Variants in SH3RF2 observed in about 807,000 individuals in gnomAD.
The protein encoded by SH3RF2 is E3 ubiquitin-protein ligase SH3RF2.
Under a neutral mutation model 59.0 loss-of-function variants are expected in SH3RF2, and 43 were observed. That is an observed-to-expected ratio of 0.73 (90% confidence interval 0.57 to 0.94). The LOEUF is 0.94. Ranked by LOEUF, SH3RF2 falls within the 40% of genes least tolerant of loss-of-function variation. The probability of loss-of-function intolerance (pLI) is 0.00; values close to 1 mark genes in which losing one functional copy is unlikely to be tolerated. For synonymous variants in SH3RF2, 391 were observed against 391.5 expected, an observed-to-expected ratio of 1.00 and a Z score of 0.01; for missense variants, 930 against 940.1, an observed-to-expected ratio of 0.99 and a Z score of 0.14.
intron 7 of SH3RF2, 128 bp downstream of exon 7, chr5:146,049,373 A>G: frequency 9.6e-7 from 1 of 1,041,656 alleles, no homozygotes. Context: ...TTTTTGCTCT[A>G]TAACCCGCCT....
At chr5:146,002,976 G>A (rs771776260) in intron 3 of SH3RF2, among the ~76,000 whole-genome samples, 14 of 152,164 alleles carry the variant, frequency 9.2e-5, no homozygotes, top group Non-Finnish European at 1.8e-4. Context: ...GTTGGGTACC[G>A]CTGTGTAAGA....
At chr5:146,076,902 C>A (rs1413718094) in intron 9 of SH3RF2, among the ~76,000 whole-genome samples, 1 of 152,096 alleles carries the variant, frequency 6.6e-6, no homozygotes, top group Non-Finnish European at 1.5e-5. Context: ...TCCACACCAC[C>A]CCCACAAAGA....
At chr5:146,020,490 A>G (rs775734274) in intron 5 of SH3RF2, among the ~76,000 whole-genome samples, 2 of 152,136 alleles carry the variant, frequency 1.3e-5, no homozygotes, top group Non-Finnish European at 2.9e-5. Flanking sequence ...TGTTGCCCTC[A>G]TATCCATACC....
At chr5:146,002,535 A>AGGAAGGAAGGAAGGAT (rs1405378041) in intron 3 of SH3RF2, among the ~76,000 whole-genome samples, 1 of 143,254 alleles carries the variant, frequency 7.0e-6, no homozygotes, top group Non-Finnish European at 1.5e-5. Context: ...GAAGGAAGGA[A>AGGAAGGAAGGAAGGAT]GGATAACCTA....
At chr5:146,028,002 T>C (rs1331714184) in intron 5 of SH3RF2, among the ~76,000 whole-genome samples, 2 of 152,192 alleles carry the variant, frequency 1.3e-5, no homozygotes, top group Admixed American at 6.5e-5. Context: ...CATCATCGTT[T>C]TGCCCAATTA....
chr5:146,001,161 T>C (rs1760392542), intron 3 of SH3RF2, among the ~76,000 whole-genome samples: 1 of 152,234 alleles, frequency 6.6e-6, no homozygotes, highest in East Asian at 1.9e-4. Context: ...CCATTTGCAA[T>C]TAATGACAGT....
At chr5:146,047,419 C>T (rs950683550) in intron 5 of SH3RF2, among the ~76,000 whole-genome samples, 1 of 152,040 alleles carries the variant, frequency 6.6e-6, no homozygotes, top group Non-Finnish European at 1.5e-5. Context: ...ATTTCATTTT[C>T]CAAGAGCAGG....
At chr5:146,013,068 G>A (rs1380497359) in intron 4 of SH3RF2, among the ~76,000 whole-genome samples, 2 of 152,164 alleles carry the variant, frequency 1.3e-5, no homozygotes, top group African/African-American at 4.8e-5. Context: ...TTTAAAGGAA[G>A]TAGTAAAAGT....
intron 5 of SH3RF2, among the ~76,000 whole-genome samples, chr5:146,036,406 T>C (rs1182075101): frequency 1.3e-5 from 2 of 152,020 alleles, no homozygotes; most frequent in Non-Finnish European, 2.9e-5. Flanking sequence ...AAAAATTGTT[T>C]TTATATGGCC....
At chr5:146,014,243 G>A (rs538214255) in intron 5 of SH3RF2, among the ~76,000 whole-genome samples, 182 bp downstream of exon 5, 46 of 152,288 alleles carry the variant, frequency 3.0e-4, no homozygotes, top group African/African-American at 1.0e-3. Flanking sequence ...TGAACAGCCT[G>A]TGAGTTAGGT....
In SH3RF2 at chr5:146,060,197, AG is replaced by A. The variant is rs750658924; in HGVS notation, c.1888del (p.Glu630LysfsTer14). ...SAPPSILVKP[E>X]NSRNGIEKQV... is the part of the protein sequence containing the mutation. ...CCCCACCATCCATCCTGGTGAAACC[AG>A]AAAACTCAAGAAATGGCATCGAAAA... On this transcript the variant is annotated frameshift_variant, in exon 9 of 10. Coordinates refer to ENST00000359120, the MANE Select transcript of SH3RF2 (RefSeq NM_152550.4). LOFTEE classifies it high-confidence loss of function. The A allele has an allele frequency of 1.2e-6, 2 of 1,609,988 alleles. No individual in the cohort carries two copies. The highest frequency in any genetic ancestry group is 2.7e-5 in the African/African-American group (2 of 74,698).
At chr5:146,061,607 G>T (rs181908298) in intron 9 of SH3RF2, among the ~76,000 whole-genome samples, 3 of 152,118 alleles carry the variant, frequency 2.0e-5, no homozygotes, top group Non-Finnish European at 2.9e-5. Context: ...ACCACAGAAC[G>T]CTTTATTAGG....
In SH3RF2 at chr5:146,009,159, A is replaced by C. The variant is rs113525845; in HGVS notation, c.745-4588A>C. Among the ~76,000 whole-genome samples the C allele has an allele frequency of 9.8e-5, 15 of 152,366 alleles. 3 individuals are homozygous for C. The highest frequency in any genetic ancestry group is 3.6e-4 in the African/African-American group (15 of 41,594). ...AGGTGATTACTTAGGAGTGGAATTGATGGGTCAGATGCTAAGTATGTGTTT... is the reference window on the plus strand; with the variant it reads ...AGGTGATTACTTAGGAGTGGAATTGCTGGGTCAGATGCTAAGTATGTGTTT... On this transcript the variant is annotated intron_variant, in intron 4 of 9. Transcript: ENST00000359120.
intron 2 of SH3RF2, among the ~76,000 whole-genome samples, chr5:145,978,842 T>C (rs1241923303): frequency 1.3e-5 from 2 of 152,206 alleles, no homozygotes; most frequent in African/African-American, 4.8e-5. Flanking sequence ...GTTTTAAAGA[T>C]AGACTTTGAA....
At chr5:146,056,613 G>A (rs751756944) in intron 8 of SH3RF2, among the ~76,000 whole-genome samples, 59 of 152,224 alleles carry the variant, frequency 3.9e-4, no homozygotes, top group Non-Finnish European at 7.1e-4. Flanking sequence ...TGGGCAGGGC[G>A]TGGGAGTAGG....
At chr5:145,963,876 A>G (rs1329961364) in intron 2 of SH3RF2, among the ~76,000 whole-genome samples, 4 of 142,378 alleles carry the variant, frequency 2.8e-5, no homozygotes, top group Admixed American at 7.5e-5. Flanking sequence ...TCTGTCGCCC[A>G]GGCTGGAGTG....
chr5:146,059,518 T>C (rs2150021807), intron 8 of SH3RF2, among the ~76,000 whole-genome samples: 1 of 152,260 alleles, frequency 6.6e-6, no homozygotes, highest in East Asian at 1.9e-4. Context: ...ACTGCCTCTG[T>C]GTCTGCTTCA....
downstream of SH3RF2, among the ~76,000 whole-genome samples, chr5:146,066,894 G>A (rs1045431812): frequency 1.3e-5 from 2 of 152,100 alleles, no homozygotes; most frequent in Non-Finnish European, 2.9e-5. Context: ...TTTGCCCCGT[G>A]GTCAGACTCT....
At chr5:145,976,524 C>A (rs73312158) in intron 2 of SH3RF2, among the ~76,000 whole-genome samples, 1 of 151,718 alleles carries the variant, frequency 6.6e-6, no homozygotes, top group Non-Finnish European at 1.5e-5. Flanking sequence ...GAAACCACCA[C>A]GTAGTTTCAC....
Sources: gnomAD v4.1 joint callset for allele counts (sites outside exome capture counted in the v4.1 genomes callset) on GRCh38, gnomAD v4.1.1 for gene constraint, MANE v1.5 for transcripts, NCBI Gene and HGNC (gene_info 2026-07-23, HGNC 2026-07-21) for gene names.